The following ITCH variants were observed in gnomAD, a reference collection of about 807,000 sequenced individuals.
The protein encoded by ITCH is E3 ubiquitin-protein ligase Itchy homolog.
ITCH carries 28 observed loss-of-function variants against 126.8 expected under a neutral mutation model. The observed-to-expected ratio is 0.22, with a 90% confidence interval of 0.16 to 0.30. The LOEUF (loss-of-function observed/expected upper bound fraction) is 0.30. Ranked by LOEUF, ITCH falls within the 10% of genes least tolerant of loss-of-function variation. ITCH has a pLI of 1.00. For synonymous variants in ITCH, 342 were observed against 340.0 expected (o/e 1.01, Z -0.06); for missense variants, 631 against 1,032.4 (o/e 0.61, Z 5.33).
At chr20:34,502,642 G>A (rs55695988) in intron 23 of ITCH, among the ~76,000 whole-genome samples, 7,702 of 151,976 alleles carry the variant, frequency 0.051, 316 homozygotes, top group Non-Finnish European at 0.087. Flanking sequence ...CCTGGGAGGC[G>A]GAGGTTGTGG....
chr20:34,372,975 C>CTT (rs749322692), intron 2 of ITCH, among the ~76,000 whole-genome samples: 6 of 139,232 alleles, frequency 4.3e-5, no homozygotes, highest in African/African-American at 1.0e-4. Context: ...GAATGTATTC[C>CTT]TTTTTTTTTT....
chr20:34,396,419 A>G (rs953517220), intron 3 of ITCH, among the ~76,000 whole-genome samples: 1 of 151,848 alleles, frequency 6.6e-6, no homozygotes, highest in Non-Finnish European at 1.5e-5. Context: ...CTTGCCAGTG[A>G]TTATCTTTTT....
intron 2 of ITCH, among the ~76,000 whole-genome samples, chr20:34,388,941 T>G (rs1694414570): frequency 6.6e-6 from 1 of 152,170 alleles, no homozygotes; most frequent in Admixed American, 6.6e-5. Context: ...AAGAGCACTT[T>G]TGCTGTCCTA....
intron 13 of ITCH, among the ~76,000 whole-genome samples, chr20:34,459,568 T>G (rs1986322625): frequency 6.6e-6 from 1 of 152,228 alleles, no homozygotes; most frequent in Non-Finnish European, 1.5e-5. Flanking sequence ...ACCAAGTTGC[T>G]GAGGGCAAAG....
At chr20:34,476,519 T>C in intron 16 of ITCH, 1 of 1,107,442 alleles carries the variant, frequency 9.0e-7, no homozygotes, top group South Asian at 4.6e-5. Context: ...AAGATAGTTT[T>C]AACCTTGTGA....
At chr20:34,420,953 T>C (rs949865527) in intron 6 of ITCH, among the ~76,000 whole-genome samples, 1 of 152,186 alleles carries the variant, frequency 6.6e-6, no homozygotes, top group African/African-American at 2.4e-5. Flanking sequence ...GTAAAATGGA[T>C]CAGACCCTTG....
At chr20:34,502,694 C>T (rs1436519195) in intron 23 of ITCH, among the ~76,000 whole-genome samples, 2 of 147,890 alleles carry the variant, frequency 1.4e-5, no homozygotes, top group South Asian at 2.1e-4. Flanking sequence ...TGGGAGACTC[C>T]GCCTCAAAAA....
chr20:34,382,999 C>T lies in ITCH; in HGVS notation c.-21-10792C>T, dbSNP rs148188961. The stretch of plus-strand genomic sequence containing the variant: ...CCTTGTGATCCGCCTGCCTCGGCCT[C>T]CCAAAATGCTGATATTACAGCCATG... On this transcript the variant is annotated intron_variant, in intron 2 of 24. Transcript: ENST00000374864. 7.7e-3 allele frequency among the ~76,000 whole-genome samples: 1,174 copies of T among 152,142 alleles called. 17 individuals are homozygous for T. Among genetic ancestry groups the T allele is most frequent in the African/African-American group, 0.027 (1,109 of 41,496 alleles).
chr20:34,433,011 C>T (rs1040210745), intron 7 of ITCH, among the ~76,000 whole-genome samples: 22 of 152,118 alleles, frequency 1.4e-4, no homozygotes, highest in African/African-American at 4.8e-4. Flanking sequence ...CAATTTAGGC[C>T]GGGCGCAGTG....
In ITCH at chr20:34,375,089, T is replaced by C. The variant is rs1009537696; in HGVS notation, c.-22+5619T>C. Among the ~76,000 whole-genome samples, 27 of 147,938 alleles carry C rather than the reference T, an allele frequency of 1.8e-4. 1 individual carries two copies. Among genetic ancestry groups the C allele is most frequent in the Non-Finnish European group, 3.0e-4 (20 of 67,278 alleles). On this transcript the variant is annotated intron_variant, in intron 2 of 24. Coordinates refer to ENST00000374864, the MANE Select transcript of ITCH (RefSeq NM_031483.7). ...AGAATCTCGCTCTTGTTGCCCCAGC[T>C]GGAGTGCAATGGCGCAATCTTGGCT...
At chr20:34,425,137 C>A (rs1981325157) in intron 7 of ITCH, among the ~76,000 whole-genome samples, 1 of 152,216 alleles carries the variant, frequency 6.6e-6, no homozygotes, top group South Asian at 2.1e-4. Context: ...AGCCCCAACC[C>A]TGTGCTCACA....
chr20:34,420,882 T>C (rs1980671450), intron 6 of ITCH, among the ~76,000 whole-genome samples: 1 of 152,230 alleles, frequency 6.6e-6, no homozygotes, highest in Non-Finnish European at 1.5e-5. Context: ...TTGCTTCTGC[T>C]AGTTGCTAGG....
intron 14 of ITCH, among the ~76,000 whole-genome samples, chr20:34,463,585 G>C (rs1986740098): frequency 6.6e-6 from 1 of 151,004 alleles, no homozygotes; most frequent in Admixed American, 6.6e-5. Context: ...TCCAATTTCT[G>C]TACGTTCTCA....
chr20:34,466,019 A>G (rs1987021993), intron 14 of ITCH, among the ~76,000 whole-genome samples: 1 of 152,104 alleles, frequency 6.6e-6, no homozygotes, highest in South Asian at 2.1e-4. Flanking sequence ...TAACCATTGA[A>G]TGTGATGTTT....
At chr20:34,364,725 A>C (rs1175684841) in intron 1 of ITCH, among the ~76,000 whole-genome samples, 6 of 70,818 alleles carry the variant, frequency 8.5e-5, no homozygotes, top group Admixed American at 5.7e-4. Flanking sequence ...CTAAAAATAC[A>C]AAAAAAAAAA....
chr20:34,495,285 AAT>A (rs1989789720), intron 23 of ITCH, among the ~76,000 whole-genome samples: 1 of 51,278 alleles, frequency 2.0e-5, no homozygotes, highest in African/African-American at 5.2e-5. Flanking sequence ...TAAATAAATA[AAT>A]AAATAAAATA....
At chr20:34,387,533 A>G (rs2038329180) in intron 2 of ITCH, among the ~76,000 whole-genome samples, 2 of 151,826 alleles carry the variant, frequency 1.3e-5, no homozygotes, top group South Asian at 4.2e-4. Flanking sequence ...CAGGAGGCTG[A>G]AGCAGGAGGA....
At position 34,489,323 on chromosome 20, in the gene ITCH, T is replaced by A. The variant is rs574083139; in HGVS notation, c.2151T>A (p.Phe717Leu). ...RGVEEQTQAFFEGFNEILPQQ... is the reference protein window; with the variant it reads ...RGVEEQTQAFLEGFNEILPQQ... ...TTGAAGAACAGACACAAGCTTTCTT[T>A]GAAGGCTTTAATGAAATTCTTCCCC... Residue 717 changes from phenylalanine to leucine, a missense_variant, in exon 21 of 25, where the codon TTT becomes TTA. Around this residue, in one of 4 missense-constraint regions of ITCH, gnomAD observed 390 missense variants for 731.6 expected, o/e 0.53. Transcript: ENST00000374864. 6.2e-7 allele frequency: 1 copy of A among 1,611,492 alleles called. No individual in the cohort carries two copies. The highest frequency in any genetic ancestry group is 1.7e-5 in the Admixed American group (1 of 60,022).
At chr20:34,471,338 T>C in intron 15 of ITCH, 106 bp from the exon 16 acceptor site, 2 of 725,320 alleles carry the variant, frequency 2.8e-6, no homozygotes, top group Non-Finnish European at 5.0e-6. Flanking sequence ...CATAGTCTAC[T>C]TGTTTCTGTA....
Sources: allele counts gnomAD v4.1 joint callset (sites outside exome capture counted in the v4.1 genomes callset), GRCh38; gene constraint gnomAD v4.1.1; regional missense constraint gnomAD v4.1.1; transcripts MANE v1.5; gene names NCBI Gene and HGNC (gene_info 2026-07-23, HGNC 2026-07-21).